The following ADAMTSL3 variants were observed in gnomAD, a reference collection of about 807,000 sequenced individuals.
ADAMTSL3 encodes the protein ADAMTS like 3.
ADAMTSL3 carries 128 observed loss-of-function variants against 201.7 expected under a neutral mutation model. The ratio of observed to expected loss-of-function variants is 0.63; its 90% CI spans 0.55 to 0.73. The LOEUF (loss-of-function observed/expected upper bound fraction) is 0.73. ADAMTSL3 is among the 30% of genes least tolerant of loss of function. The pLI is 0.00. For missense variants in ADAMTSL3, 1,990 were observed against 2,119.6 expected, an observed-to-expected ratio of 0.94 and a Z score of 1.20; for synonymous variants, 738 against 748.4, an observed-to-expected ratio of 0.99 and a Z score of 0.23.
chr15:83,794,558 C>T (rs1006780864), intron 4 of ADAMTSL3, among the ~76,000 whole-genome samples: 6 of 151,938 alleles, frequency 3.9e-5, no homozygotes. Flanking sequence ...AATCCAATCT[C>T]TAAAGCTTAC....
chr15:83,846,290 A>G (rs773510359), intron 7 of ADAMTSL3, among the ~76,000 whole-genome samples: 1 of 152,240 alleles, frequency 6.6e-6, no homozygotes, highest in Non-Finnish European at 1.5e-5. Context: ...AGGTACTACT[A>G]TACCCTCCCC....
intron 5 of ADAMTSL3, among the ~76,000 whole-genome samples, chr15:83,813,599 A>G (rs2063729741): frequency 1.3e-5 from 2 of 151,878 alleles, no homozygotes; most frequent in African/African-American, 4.8e-5. Flanking sequence ...GGACCACACC[A>G]CTCTCCCTGA....
At chr15:83,903,917 C>CAAAAAAAAAAAAA (rs1168502648) in intron 15 of ADAMTSL3, among the ~76,000 whole-genome samples, 4 of 19,272 alleles carry the variant, frequency 2.1e-4, no homozygotes, top group Admixed American at 1.0e-3. Context: ...GACTCCACAT[C>CAAAAAAAAAAAAA]AAAAAAAAAA....
intron 2 of ADAMTSL3, among the ~76,000 whole-genome samples, chr15:83,669,890 A>G (rs117540214): frequency 0.042 from 6,416 of 152,138 alleles, 182 homozygotes; most frequent in Non-Finnish European, 0.064. Flanking sequence ...AAATGAAATT[A>G]TGACTTTGGG....
intron 2 of ADAMTSL3, among the ~76,000 whole-genome samples, chr15:83,673,379 G>A (rs1034136355): frequency 6.6e-5 from 10 of 152,230 alleles, no homozygotes; most frequent in Non-Finnish European, 1.2e-4. Flanking sequence ...GATAGATAAT[G>A]TACTGATTGC....
rs549483210 is a variant in ADAMTSL3, at chr15:83,691,251, A to G, written c.70-13138A>G. Among the ~76,000 whole-genome samples the G allele has an allele frequency of 8.5e-4, 130 of 152,376 alleles. 1 individual carries two copies. Among genetic ancestry groups the G allele is most frequent in the African/African-American group, 3.1e-3 (128 of 41,592 alleles). On this transcript the variant is annotated intron_variant, in intron 2 of 29. Coordinates refer to ENST00000286744, the MANE Select transcript of ADAMTSL3 (RefSeq NM_207517.3). ...ATGGTATTACTTTGGTAATTAAGAA[A>G]TATACAGTAGAGAGACAAAATTACT...
At chr15:83,786,169 G>A (rs1183926802) in intron 4 of ADAMTSL3, among the ~76,000 whole-genome samples, 2 of 152,104 alleles carry the variant, frequency 1.3e-5, no homozygotes, top group Non-Finnish European at 2.9e-5. Flanking sequence ...CAGAGATGGA[G>A]TTTCACCATG....
At chr15:83,660,193 A>G (rs1362795463) in intron 2 of ADAMTSL3, among the ~76,000 whole-genome samples, 2 of 152,316 alleles carry the variant, frequency 1.3e-5, no homozygotes, top group South Asian at 2.1e-4. Flanking sequence ...ACATGAGGAC[A>G]AAAGAAGTGC....
At chr15:83,882,402 T>C (rs1342333030) in intron 9 of ADAMTSL3, among the ~76,000 whole-genome samples, 3 of 152,198 alleles carry the variant, frequency 2.0e-5, no homozygotes, top group African/African-American at 7.2e-5. Context: ...CATTTTGTAA[T>C]TAAGCACATA....
intron 4 of ADAMTSL3, among the ~76,000 whole-genome samples, chr15:83,786,965 G>A (rs2063273985): frequency 6.6e-6 from 1 of 152,150 alleles, no homozygotes; most frequent in African/African-American, 2.4e-5. Flanking sequence ...CATGTGATGA[G>A]GACCCAAATA....
intron 3 of ADAMTSL3, among the ~76,000 whole-genome samples, chr15:83,729,052 C>CT: frequency 6.6e-6 from 1 of 152,134 alleles, no homozygotes; most frequent in South Asian, 2.1e-4. Context: ...TTTTTCTTCT[C>CT]TTTCAGCAGT....
At chr15:83,767,800 A>T (rs6602985) in intron 3 of ADAMTSL3, among the ~76,000 whole-genome samples, 23,519 of 152,170 alleles carry the variant, frequency 0.15, 2,461 homozygotes, top group South Asian at 0.29. Flanking sequence ...TGTAACATTA[A>T]ACTGTGTTCA....
chr15:83,886,019 C>A (rs1217083587), intron 10 of ADAMTSL3, among the ~76,000 whole-genome samples: 1 of 152,150 alleles, frequency 6.6e-6, no homozygotes, highest in Non-Finnish European at 1.5e-5. Flanking sequence ...CCACTGTGCC[C>A]AGCCTTTTTC....
chr15:83,969,310 G>A (rs985053596), intron 19 of ADAMTSL3, among the ~76,000 whole-genome samples: 1 of 152,134 alleles, frequency 6.6e-6, no homozygotes, highest in Non-Finnish European at 1.5e-5. Context: ...AGGGTGCAGT[G>A]GTGGGCGCCT....
Position 83,819,923 on chromosome 15 carries a change from C to T in ADAMTSL3, c.476C>T (p.Ala159Val). ...CTTCCACGATATAATGATCCTGCTGCCCCGTGTGCACTCAAGTGTCATGCA... is the reference window on the plus strand; with the variant it reads ...CTTCCACGATATAATGATCCTGCTGTCCCGTGTGCACTCAAGTGTCATGCA... ...EWLPRYNDPA[A>V]PCALKCHAQG... The change falls in exon 6 of 30, where the codon GCC becomes GTC. Residue 159 changes from alanine to valine, a missense_variant. By Grantham distance (64) the Ala-to-Val change is moderately conservative. Transcript: ENST00000286744. 1 of 1,614,096 alleles carries T rather than the reference C, an allele frequency of 6.2e-7. No homozygotes were observed.
chr15:83,817,695 C>T (rs1222344032), intron 5 of ADAMTSL3, among the ~76,000 whole-genome samples: 1 of 152,140 alleles, frequency 6.6e-6, no homozygotes, highest in African/African-American at 2.4e-5. Context: ...TAAAACAAGA[C>T]ATTTTTGAAG....
chr15:83,929,209 G>A (rs755514084), intron 17 of ADAMTSL3, among the ~76,000 whole-genome samples: 1 of 152,112 alleles, frequency 6.6e-6, no homozygotes, highest in African/African-American at 2.4e-5. Context: ...TTCTTTTGCC[G>A]GGGCTGCCAT....
chr15:83,849,603 G>A (rs1186769882), intron 7 of ADAMTSL3, among the ~76,000 whole-genome samples: 1 of 152,154 alleles, frequency 6.6e-6, no homozygotes. Context: ...CTTTCTTACT[G>A]TACTTACAAT....
chr15:83,674,017 T>C, intron 2 of ADAMTSL3, among the ~76,000 whole-genome samples: 1 of 151,814 alleles, frequency 6.6e-6, no homozygotes, highest in Admixed American at 6.6e-5. Flanking sequence ...CTTGATTCTT[T>C]TACCCTCTTA....
Sources: gnomAD v4.1 joint callset for allele counts (sites outside exome capture counted in the v4.1 genomes callset) on GRCh38, gnomAD v4.1.1 for gene constraint, MANE v1.5 for transcripts, NCBI Gene and HGNC (gene_info 2026-07-23, HGNC 2026-07-21) for gene names.